Variants in MCCC1 observed in about 807,000 individuals in gnomAD.
MCCC1 encodes the protein methylcrotonyl-CoA carboxylase subunit 1.
A neutral mutation model predicts 83.8 loss-of-function variants in MCCC1; 64 were observed. The observed-to-expected ratio is 0.76, with a 90% CI of 0.62 to 0.94. The LOEUF (loss-of-function observed/expected upper bound fraction) is 0.94. MCCC1 is among the 40% of genes least tolerant of loss of function. The pLI, the probability that MCCC1 is intolerant of heterozygous loss-of-function variation, is 0.00. For missense variants in MCCC1, 807 were observed against 904.7 expected (o/e 0.89, Z 1.39); for synonymous variants, 322 against 315.4 (o/e 1.02, Z -0.22).
chr3:183,036,565 A>ACT (rs1487877177), intron 13 of MCCC1, among the ~76,000 whole-genome samples: 2 of 142,206 alleles, frequency 1.4e-5, no homozygotes, highest in African/African-American at 2.6e-5. Context: ...TTTTAGATGA[A>ACT]CTCTCGCCCT....
At chr3:183,046,145 A>G (rs1468613985) in intron 9 of MCCC1, among the ~76,000 whole-genome samples, 1 of 152,242 alleles carries the variant, frequency 6.6e-6, no homozygotes, top group Non-Finnish European at 1.5e-5. Context: ...CAGAACCACA[A>G]TGAAACTACA....
Position 183,045,412 on chromosome 3 carries a change from C to T in MCCC1, c.1083+1G>A, listed in dbSNP as rs1714472817. On this transcript the variant is annotated splice_donor_variant, in intron 10 of 18. Coordinates refer to ENST00000265594, the MANE Select transcript of MCCC1 (RefSeq NM_020166.5). LOFTEE classifies it high-confidence loss of function. Reference sequence around the variant, plus strand: ...ATTTTTAATAGAAAAAATATTCTCACTCTAAGCTGCCACTCCACCAAGTCA... The same window carrying T: ...ATTTTTAATAGAAAAAATATTCTCATTCTAAGCTGCCACTCCACCAAGTCA... 1.2e-6 allele frequency: 2 copies of T among 1,614,010 alleles called. No individual in the cohort carries two copies. Among genetic ancestry groups the T allele is most frequent in the Non-Finnish European group, 1.7e-6 (2 of 1,179,938 alleles).
intron 14 of MCCC1, 133 bp downstream of exon 14, chr3:183,033,858 T>G: frequency 1.5e-6 from 1 of 670,972 alleles, no homozygotes; most frequent in South Asian, 1.7e-5. Context: ...ATTGGCATAT[T>G]TCCCTCCAAT....
chr3:183,031,089 G>A (rs1387970538), intron 14 of MCCC1, among the ~76,000 whole-genome samples: 1 of 152,132 alleles, frequency 6.6e-6, no homozygotes, highest in East Asian at 1.9e-4. Context: ...TGCAGTATTA[G>A]GTCAGCACGT....
chr3:183,088,206 G>GTTGT (rs1298355071), intron 3 of MCCC1, among the ~76,000 whole-genome samples: 6 of 146,142 alleles, frequency 4.1e-5, no homozygotes, highest in Admixed American at 1.4e-4. Flanking sequence ...TGTTGTTGTT[G>GTTGT]TGTGTTTTTT....
At chr3:183,040,516 G>C (rs906790748) in intron 11 of MCCC1, among the ~76,000 whole-genome samples, 9 of 139,962 alleles carry the variant, frequency 6.4e-5, no homozygotes, top group Admixed American at 2.3e-4. Flanking sequence ...TTTGAGACCA[G>C]CCTAGCCAAC....
chr3:183,042,633 G>C lies in MCCC1; in HGVS notation c.1084-883C>G, dbSNP rs1000980133. Among the ~76,000 whole-genome samples, 4 of 138,976 alleles carry C rather than the reference G, an allele frequency of 2.9e-5. No homozygotes were observed. In the Admixed American group the frequency reaches 3.1e-4, roughly 11 times the overall value. The allele number at this position is 138,976 out of a possible 152,430, so 91.2% of individuals were successfully genotyped here. On this transcript the variant is annotated intron_variant, in intron 10 of 18. Coordinates refer to ENST00000265594, the MANE Select transcript of MCCC1 (RefSeq NM_020166.5). ...AAAGATCAGGATGCACAGCAGTTAA[G>C]AATGAAAGGAAACGGAACTAAGTTA...
At chr3:183,052,014 G>A (rs1715017232) in intron 9 of MCCC1, 145 bp downstream of exon 9, 1 of 712,180 alleles carries the variant, frequency 1.4e-6, no homozygotes, top group Non-Finnish European at 2.5e-6. Context: ...TACATACTAA[G>A]TCTCAATATA....
chr3:183,096,436 G>T (rs1397838116), intron 1 of MCCC1, among the ~76,000 whole-genome samples: 1 of 152,160 alleles, frequency 6.6e-6, no homozygotes, highest in Non-Finnish European at 1.5e-5. Flanking sequence ...GGAAGATGTG[G>T]TTATAAAGGA....
chr3:183,051,324 C>T (rs375440990), intron 9 of MCCC1, among the ~76,000 whole-genome samples: 159 of 151,922 alleles, frequency 1.0e-3, no homozygotes, highest in African/African-American at 3.5e-3. Flanking sequence ...ATCGAGACAA[C>T]GAAATATTAT....
chr3:183,107,533 A>ATTT (rs1047043675), intron 1 of MCCC1, among the ~76,000 whole-genome samples: 10 of 150,002 alleles, frequency 6.7e-5, no homozygotes, highest in African/African-American at 2.2e-4. Context: ...TATTATTATT[A>ATTT]TTTGTTGTTG....
chr3:183,110,763 T>A (rs570680230), intron 1 of MCCC1, among the ~76,000 whole-genome samples: 9 of 152,340 alleles, frequency 5.9e-5, no homozygotes, highest in African/African-American at 2.2e-4. Flanking sequence ...AGGACTTCTA[T>A]AGTTTTAGAT....
rs73052268 is a variant in MCCC1 at position 183,108,007 on chromosome 3, T to C, written c.-102+7467A>G. ...GATTATTGAGCATACAAAATAACAG[T>C]TCCCAAACTAGAGACCTCTGTGCAG... On this transcript the variant is annotated intron_variant, in intron 1 of 17. Transcript: ENST00000492597. Among the ~76,000 whole-genome samples the C allele has an allele frequency of 8.1e-3, 1,241 of 152,346 alleles. 14 individuals are homozygous for C. Among genetic ancestry groups the C allele is most frequent in the African/African-American group, 0.028 (1,146 of 41,582 alleles).
chr3:183,086,703 G>C lies in MCCC1; in HGVS notation c.359C>G (p.Ser120Cys). Residue 120 changes from serine to cysteine, a missense_variant, in exon 4 of 19, where the codon TCT (serine) becomes TGT (cysteine). Coordinates refer to ENST00000265594, the MANE Select transcript of MCCC1 (RefSeq NM_020166.5). ...MEKIIQVAKT[S>C]AAQAIHPGCG... ...CTTCACAACCCTCACCTGTGCAGCAGAGGTCTTGGCCACTTGAATGATTTT... is the reference window on the plus strand; with the variant it reads ...CTTCACAACCCTCACCTGTGCAGCACAGGTCTTGGCCACTTGAATGATTTT... 1.9e-6 allele frequency: 3 copies of C among 1,614,098 alleles called. No individual in the cohort carries two copies. Among genetic ancestry groups the C allele is most frequent in the Admixed American group, 1.7e-5 (1 of 60,018 alleles).
intron 7 of MCCC1, among the ~76,000 whole-genome samples, chr3:183,063,867 G>A (rs963808474): frequency 6.6e-6 from 1 of 152,128 alleles, no homozygotes; most frequent in Admixed American, 6.5e-5. Context: ...AGCACTGATT[G>A]GCCAACTTTG....
intron 13 of MCCC1, 113 bp downstream of exon 13, chr3:183,037,105 G>T: frequency 1.0e-6 from 1 of 984,398 alleles, no homozygotes; most frequent in Non-Finnish European, 1.6e-6. Flanking sequence ...AAAGAATGGT[G>T]TCAGTCACTG....
chr3:183,068,142 T>G, intron 7 of MCCC1, among the ~76,000 whole-genome samples: 1 of 152,202 alleles, frequency 6.6e-6, no homozygotes, highest in Non-Finnish European at 1.5e-5. Flanking sequence ...GTCAGAGGCA[T>G]TTGAACCAGA....
At chr3:183,104,414 A>G (rs1577383476), upstream of MCCC1, among the ~76,000 whole-genome samples, 5 of 152,192 alleles carry the variant, frequency 3.3e-5, no homozygotes, top group South Asian at 1.0e-3. Context: ...CACTGTGCCC[A>G]GCCAGAGAAA....
intron 7 of MCCC1, among the ~76,000 whole-genome samples, chr3:183,067,927 G>T (rs1456899037): frequency 3.3e-5 from 5 of 151,990 alleles, no homozygotes; most frequent in Admixed American, 3.3e-4. Flanking sequence ...ATCACCTTTT[G>T]TTGGAACTCA....
Sources: gnomAD v4.1 joint callset for allele counts (sites outside exome capture counted in the v4.1 genomes callset) on GRCh38, gnomAD v4.1.1 for gene constraint, MANE v1.5 for transcripts, NCBI Gene and HGNC (gene_info 2026-07-23, HGNC 2026-07-21) for gene names.